SORCS2: variants seen among roughly 807,000 people sequenced by gnomAD.
The protein encoded by SORCS2 is sortilin related VPS10 domain containing receptor 2.
In SORCS2, 100 loss-of-function variants were observed where a neutral mutation model predicts 141.6. The observed-to-expected ratio is 0.71, with a 90% CI of 0.60 to 0.83. The LOEUF is 0.83. SORCS2 is among the 40% of genes least tolerant of loss of function. The pLI is 0.00. For missense variants in SORCS2, 1,646 were observed against 1,560.2 expected (o/e 1.05, Z -0.93); for synonymous variants, 789 against 676.9 (o/e 1.17, Z -2.57).
intron 2 of SORCS2, among the ~76,000 whole-genome samples, chr4:7,464,417 G>A (rs999424929): frequency 1.2e-4 from 18 of 152,202 alleles, no homozygotes; most frequent in Non-Finnish European, 1.5e-4. Context: ...TCTATTCAGG[G>A]AAAAGGGAGC....
intron 2 of SORCS2, among the ~76,000 whole-genome samples, chr4:7,485,305 C>G (rs1377075913): frequency 1.3e-5 from 2 of 152,246 alleles, no homozygotes; most frequent in African/African-American, 4.8e-5. Flanking sequence ...CAGGAGCATG[C>G]TGCTTAGGGT....
chr4:7,560,715 C>A (rs77750549), intron 3 of SORCS2, among the ~76,000 whole-genome samples: 4,073 of 152,250 alleles, frequency 0.027, 185 homozygotes, highest in African/African-American at 0.092. Flanking sequence ...CTGTTGTCTT[C>A]TTACCCATCC....
intron 1 of SORCS2, among the ~76,000 whole-genome samples, chr4:7,301,999 A>G (rs1532664): frequency 0.82 from 125,316 of 152,232 alleles, 52,664 homozygotes; most frequent in Non-Finnish European, 0.91. Context: ...TCTGTGTCCC[A>G]CCGGGACGCA....
chr4:7,641,396 A>G (rs962699286), intron 4 of SORCS2, among the ~76,000 whole-genome samples: 56 of 152,144 alleles, frequency 3.7e-4, no homozygotes, highest in Admixed American at 3.6e-3. Context: ...ATCTCATGAG[A>G]ACTCACTCAT....
intron 2 of SORCS2, among the ~76,000 whole-genome samples, chr4:7,460,824 G>A (rs886973102): frequency 3.9e-5 from 6 of 152,136 alleles, no homozygotes; most frequent in Admixed American, 6.5e-5. Flanking sequence ...ATCTGTGGCC[G>A]TGACCCTGCC....
intron 2 of SORCS2, among the ~76,000 whole-genome samples, chr4:7,466,954 G>A (rs1207556377): frequency 6.6e-6 from 1 of 152,124 alleles, no homozygotes; most frequent in African/African-American, 2.4e-5. Flanking sequence ...CTTTGGAGAT[G>A]GGTGGGGCTT....
intron 2 of SORCS2, among the ~76,000 whole-genome samples, chr4:7,450,526 C>G (rs1728368303): frequency 6.6e-6 from 1 of 152,238 alleles, no homozygotes; most frequent in Non-Finnish European, 1.5e-5. Context: ...GGCTCCCAAC[C>G]TTGCCCCGCA....
chr4:7,345,243 C>T (rs1452892006), intron 1 of SORCS2, among the ~76,000 whole-genome samples: 2 of 152,192 alleles, frequency 1.3e-5, no homozygotes, highest in Non-Finnish European at 2.9e-5. Context: ...CTTAAAACTT[C>T]TTAATGTTGG....
intron 1 of SORCS2, among the ~76,000 whole-genome samples, chr4:7,263,103 C>T (rs374465420): frequency 1.9e-4 from 29 of 152,304 alleles, no homozygotes; most frequent in African/African-American, 7.0e-4. Context: ...ATCATGTCAC[C>T]CCAGTGAGCC....
rs1277874470 is a variant in SORCS2, at chr4:7,531,620, C to T, written c.639C>T (p.Asn213=). Residue 213 remains asparagine, a synonymous_variant, in exon 3 of 27, where the codon AAC becomes AAT. Coordinates refer to ENST00000507866, the MANE Select transcript of SORCS2 (RefSeq NM_020777.3). The part of the protein sequence containing the change: ...VIDNFYICPT[N]KRKVILVSSS... ...ACAATTTCTACATCTGCCCGACCAA[C>T]AAGAGGAAGGTAGGTGCTGGCTGGG... is the stretch of plus-strand genomic sequence containing the variant. 1.2e-6 allele frequency: 2 copies of T among 1,613,546 alleles called. No individual in the cohort carries two copies. Among genetic ancestry groups the T allele is most frequent in the Non-Finnish European group, 8.5e-7 (1 of 1,179,742 alleles).
chr4:7,593,745 C>T (rs1717072752), intron 3 of SORCS2, among the ~76,000 whole-genome samples: 1 of 152,208 alleles, frequency 6.6e-6, no homozygotes, highest in Non-Finnish European at 1.5e-5. Flanking sequence ...CCAGCCAGCA[C>T]AGGACCACTG....
chr4:7,611,838 T>C (rs550020585), intron 3 of SORCS2, among the ~76,000 whole-genome samples: 13 of 152,360 alleles, frequency 8.5e-5, no homozygotes, highest in African/African-American at 2.9e-4. Context: ...ACTGGTGCTG[T>C]TAGGACAGAG....
At chr4:7,594,790 C>G (rs116584160) in intron 3 of SORCS2, among the ~76,000 whole-genome samples, 1 of 152,062 alleles carries the variant, frequency 6.6e-6, no homozygotes, top group Non-Finnish European at 1.5e-5. Context: ...TGCTCATCCA[C>G]GATGGGGCGA....
At chr4:7,356,841 G>C (rs558289273) in intron 1 of SORCS2, among the ~76,000 whole-genome samples, 1 of 152,334 alleles carries the variant, frequency 6.6e-6, no homozygotes, top group Admixed American at 6.5e-5. Flanking sequence ...AATGATCCCT[G>C]GATCTCTGGA....
At chr4:7,384,617 C>A (rs751164964) in intron 1 of SORCS2, among the ~76,000 whole-genome samples, 2 of 152,230 alleles carry the variant, frequency 1.3e-5, no homozygotes, top group Admixed American at 6.5e-5. Context: ...GGACATCTCT[C>A]AACCCAGCTG....
intron 8 of SORCS2, among the ~76,000 whole-genome samples, chr4:7,675,789 C>G (rs961666063): frequency 6.6e-6 from 1 of 152,172 alleles, no homozygotes; most frequent in East Asian, 1.9e-4. Context: ...TGTCCCCAGG[C>G]CACCCTCCCA....
intron 3 of SORCS2, among the ~76,000 whole-genome samples, chr4:7,625,044 C>A (rs751909480): frequency 6.6e-6 from 1 of 152,240 alleles, no homozygotes; most frequent in Non-Finnish European, 1.5e-5. Flanking sequence ...TATTATCGAT[C>A]AGACCCAAGA....
intron 2 of SORCS2, among the ~76,000 whole-genome samples, chr4:7,435,264 G>A (rs1727224496): frequency 6.6e-6 from 1 of 152,120 alleles, no homozygotes; most frequent in South Asian, 2.1e-4. Context: ...TGTGTGGCCT[G>A]GGTCCCCTCC....
At chr4:7,427,856 C>A (rs115279059) in intron 2 of SORCS2, among the ~76,000 whole-genome samples, 1 of 151,894 alleles carries the variant, frequency 6.6e-6, no homozygotes, top group Non-Finnish European at 1.5e-5. Flanking sequence ...CCCCCGCCCC[C>A]CCGCACCAGG....
Sources: gnomAD v4.1 joint callset for allele counts (sites outside exome capture counted in the v4.1 genomes callset) on GRCh38, gnomAD v4.1.1 for gene constraint, MANE v1.5 for transcripts, NCBI Gene and HGNC (gene_info 2026-07-23, HGNC 2026-07-21) for gene names.